CDC45: variants seen among roughly 807,000 people sequenced by gnomAD.
The protein encoded by CDC45 is cell division cycle 45.
CDC45 carries 54 observed loss-of-function variants against 77.8 expected under a neutral mutation model. That is an observed-to-expected ratio of 0.69 (90% CI 0.56 to 0.87). The LOEUF is 0.87. Ranked by LOEUF, CDC45 falls within the 40% of genes least tolerant of loss-of-function variation. The pLI, the probability that CDC45 is intolerant of heterozygous loss-of-function variation, is 0.00. For synonymous variants in CDC45, 260 were observed against 272.1 expected, an observed-to-expected ratio of 0.96 and a Z score of 0.44; for missense variants, 649 against 721.6, an observed-to-expected ratio of 0.90 and a Z score of 1.15.
chr22:19,491,378 G>A (rs1007590280), intron 5 of CDC45, among the ~76,000 whole-genome samples: 3 of 150,762 alleles, frequency 2.0e-5, no homozygotes, highest in African/African-American at 4.9e-5. Context: ...CGTTCCTTTG[G>A]GGGAGAGCTA....
chr22:19,494,453 A>T, intron 6 of CDC45, 71 bp downstream of exon 6: 1 of 1,593,656 alleles, frequency 6.3e-7, no homozygotes, highest in South Asian at 1.1e-5. Context: ...TGCCACCCAT[A>T]CCTCTGACTT....
At chr22:19,508,821 G>A in intron 13 of CDC45, 130 bp downstream of exon 13, 2 of 751,366 alleles carry the variant, frequency 2.7e-6, no homozygotes, top group South Asian at 1.8e-5. Flanking sequence ...GGGTGAACTG[G>A]AATCACAGTG....
At chr22:19,491,673 T>C (rs1331728586) in intron 5 of CDC45, among the ~76,000 whole-genome samples, 1 of 152,084 alleles carries the variant, frequency 6.6e-6, no homozygotes, top group African/African-American at 2.4e-5. Context: ...GATGTTAGGA[T>C]GTGTCTTGGT....
At chr22:19,494,450 C>T (rs748178855) in intron 6 of CDC45, 68 bp downstream of exon 6, 3 of 1,594,602 alleles carry the variant, frequency 1.9e-6, no homozygotes, top group Admixed American at 1.7e-5. Context: ...TGGTGCCACC[C>T]ATACCTCTGA....
chr22:19,486,706 G>A (rs986373551), intron 5 of CDC45, among the ~76,000 whole-genome samples: 1 of 151,896 alleles, frequency 6.6e-6, no homozygotes, highest in African/African-American at 2.4e-5. Flanking sequence ...TTTTTGAGAC[G>A]GAGTCTCGCT....
At chr22:19,500,505 A>G (rs13447237) in intron 9 of CDC45, among the ~76,000 whole-genome samples, 17 of 152,266 alleles carry the variant, frequency 1.1e-4, no homozygotes, top group African/African-American at 1.9e-4. Context: ...TAACTGCTCC[A>G]TAGATCACAA....
chr22:19,488,050 C>T (rs1025472252), intron 5 of CDC45, among the ~76,000 whole-genome samples: 7 of 151,920 alleles, frequency 4.6e-5, no homozygotes, highest in Admixed American at 3.3e-4. Context: ...ATAAAAATAA[C>T]CATAATTATA....
chr22:19,481,417 C>T (rs1335159727), intron 3 of CDC45, among the ~76,000 whole-genome samples: 2 of 151,796 alleles, frequency 1.3e-5, no homozygotes, highest in African/African-American at 2.4e-5. Flanking sequence ...CTCGCTGTGT[C>T]GCCCAGGCTG....
At chr22:19,483,689 T>G (rs2090020645) in intron 4 of CDC45, among the ~76,000 whole-genome samples, 173 bp from the exon 5 acceptor site, 1 of 152,178 alleles carries the variant, frequency 6.6e-6, no homozygotes, top group Non-Finnish European at 1.5e-5. Context: ...TCACTGGTAA[T>G]GAAAACAAGA....
intron 13 of CDC45, among the ~76,000 whole-genome samples, chr22:19,511,207 T>G (rs1933492348): frequency 6.6e-6 from 1 of 152,218 alleles, no homozygotes; most frequent in Non-Finnish European, 1.5e-5. Flanking sequence ...GAGTATGAAG[T>G]GGTATCTCGT....
intron 17 of CDC45, among the ~76,000 whole-genome samples, chr22:19,517,456 G>A (rs531996553): frequency 5.1e-4 from 77 of 152,330 alleles, no homozygotes; most frequent in African/African-American, 1.8e-3. Flanking sequence ...GTTCACATTC[G>A]GCTGTGTTGG....
In CDC45 at chr22:19,494,308, CT is replaced by C; in HGVS notation, c.487-18del. ...TGGTGCATTTGCTCCACCTTTTGTT[CT>C]CTTTGTCCCTGTATCAGGAGATAGT... is the stretch of plus-strand genomic sequence containing the variant. On this transcript the variant is annotated intron_variant, in intron 5 of 18. Coordinates refer to ENST00000263201, the MANE Select transcript of CDC45 (RefSeq NM_003504.5). The C allele has an allele frequency of 6.2e-7, 1 of 1,611,004 alleles. No individual in the cohort carries two copies. Among genetic ancestry groups the C allele is most frequent in the Non-Finnish European group, 8.5e-7 (1 of 1,179,008 alleles).
chr22:19,497,105 G>A (rs1354940999), intron 7 of CDC45, among the ~76,000 whole-genome samples: 2 of 152,218 alleles, frequency 1.3e-5, no homozygotes, highest in Non-Finnish European at 2.9e-5. Context: ...CTGCACCCGG[G>A]CTGCCCCTAC....
chr22:19,494,474 G>C (rs1369518217), intron 6 of CDC45, 92 bp downstream of exon 6: 1 of 1,575,032 alleles, frequency 6.3e-7, no homozygotes, highest in Non-Finnish European at 8.6e-7. Flanking sequence ...CCTGTCTCAG[G>C]ATAATTTATT....
intron 7 of CDC45, among the ~76,000 whole-genome samples, 170 bp from the exon 8 acceptor site, chr22:19,497,216 G>T (rs1008099842): frequency 2.0e-5 from 3 of 152,244 alleles, no homozygotes; most frequent in Non-Finnish European, 4.4e-5. Context: ...AGTTTAGCGT[G>T]TACTCATCCC....
intron 5 of CDC45, among the ~76,000 whole-genome samples, chr22:19,489,329 TAA>T (rs200975026): frequency 8.4e-5 from 12 of 142,976 alleles, no homozygotes; most frequent in African/African-American, 1.5e-4. Context: ...GGTATTGCTT[TAA>T]AAAAAAAAAA....
rs746926103 is a variant in CDC45 at position 19,483,932 on chromosome 22, A to G, written c.413A>G (p.Glu138Gly). The G allele has an allele frequency of 9.9e-6, 16 of 1,613,902 alleles. No individual in the cohort carries two copies. Among genetic ancestry groups the G allele is most frequent in the Non-Finnish European group, 1.3e-5 (15 of 1,179,896 alleles). The part of the protein sequence containing the change: ...PAYEDIFRDE[E>G]EDEEHSGNDS... Reference sequence around the variant, plus strand: ...TATGAAGACATCTTCAGGGATGAAGAGGAGGATGAAGAGCATTCAGGAAAT... The same window carrying G: ...TATGAAGACATCTTCAGGGATGAAGGGGAGGATGAAGAGCATTCAGGAAAT... The change falls in exon 5 of 19, where the codon GAG (glutamate) becomes GGG (glycine). Residue 138 changes from glutamate to glycine, a missense_variant. Transcript: ENST00000263201.
chr22:19,517,389 G>A (rs560424222), intron 17 of CDC45, among the ~76,000 whole-genome samples: 1 of 152,324 alleles, frequency 6.6e-6, no homozygotes, highest in South Asian at 2.1e-4. Context: ...TGTCAGATGA[G>A]CCCAGAATGG....
At chr22:19,510,451 C>T (rs2146424170) in intron 13 of CDC45, among the ~76,000 whole-genome samples, 1 of 152,278 alleles carries the variant, frequency 6.6e-6, no homozygotes, top group South Asian at 2.1e-4. Context: ...AGATATGGTT[C>T]TTTGTGACCG....
Sources: gnomAD v4.1 joint callset for allele counts (sites outside exome capture counted in the v4.1 genomes callset) on GRCh38, gnomAD v4.1.1 for gene constraint, MANE v1.5 for transcripts, NCBI Gene and HGNC (gene_info 2026-07-23, HGNC 2026-07-21) for gene names.